Variants in TEAD3 observed in about 807,000 individuals in gnomAD.
TEAD3 encodes the protein transcriptional enhancer factor TEF-5.
A neutral mutation model predicts 55.6 loss-of-function variants in TEAD3; 15 were observed. That is an observed-to-expected ratio of 0.27 (90% CI 0.18 to 0.42). The LOEUF (loss-of-function observed/expected upper bound fraction) is 0.42, where lower values mean the gene tolerates loss of function less well. Ranked by LOEUF, TEAD3 falls within the 10% of genes least tolerant of loss-of-function variation. The probability of loss-of-function intolerance (pLI) is 1.00; values close to 1 mark genes in which losing one functional copy is unlikely to be tolerated. For synonymous variants in TEAD3, 210 were observed against 232.2 expected (o/e 0.90, Z 0.87); for missense variants, 407 against 576.8 (o/e 0.71, Z 3.01).
At chr6:35,480,132 G>C (rs1261974862) in intron 3 of TEAD3, 180 bp downstream of exon 4, 2 of 1,547,320 alleles carry the variant, frequency 1.3e-6, no homozygotes, top group Non-Finnish European at 1.7e-6. Flanking sequence ...CCTGTAGAGA[G>C]AGAAAGAAAG....
intron 6 of TEAD3, 42 bp from the exon 7 acceptor site, chr6:35,478,366 T>C: frequency 6.2e-6 from 10 of 1,613,716 alleles, no homozygotes; most frequent in Non-Finnish European, 8.5e-6. Flanking sequence ...TCAGCATCCA[T>C]GAACCCCACT....
chr6:35,478,029 T>TG (rs1380535494), intron 7 of TEAD3, among the ~76,000 whole-genome samples: 1 of 151,562 alleles, frequency 6.6e-6, no homozygotes, highest in Non-Finnish European at 1.5e-5. Context: ...TTTTTTTTTT[T>TG]TTTTTGAGAG....
In TEAD3 at chr6:35,486,781, C is replaced by G; in HGVS notation, c.-49-70G>C. 6 of 1,155,420 alleles carry G rather than the reference C, an allele frequency of 5.2e-6. 1 individual carries two copies. In the South Asian group the frequency reaches 9.0e-5, roughly 17 times the overall value. 71.6% of individuals were successfully genotyped at this position (1,155,420 alleles called of 1,614,324 possible). A position where few individuals can be genotyped will look rare whatever the true frequency, so the allele number is the denominator to read the frequency against. On this transcript the variant is annotated intron_variant, in intron 1 of 12. Coordinates refer to ENST00000639578, the Ensembl canonical transcript of TEAD3. This position sits in a 1 kb window ranked among gnomAD's most constrained non-coding sequence, Gnocchi z 7.3. ...CCACAGCAATCTCCTATCCCACAGCCGCTGGCTCTGGAGCTCCGCCCCCAG... is the reference window on the plus strand; with the variant it reads ...CCACAGCAATCTCCTATCCCACAGCGGCTGGCTCTGGAGCTCCGCCCCCAG...
chr6:35,475,243 G>C lies in TEAD3; in HGVS notation c.1195-86C>G. Reference sequence around the variant, plus strand: ...GGCTGAACAGACCATTCTCCTTTCCGGATCTATGCCTCTCAGCCAAGCGAT... The same window carrying C: ...GGCTGAACAGACCATTCTCCTTTCCCGATCTATGCCTCTCAGCCAAGCGAT... On this transcript the variant is annotated intron_variant, in intron 12 of 12. Transcript: ENST00000639578. This position sits in a 1 kb window ranked among gnomAD's most constrained non-coding sequence, Gnocchi z 5.4. 4 of 1,596,462 alleles carry C rather than the reference G, an allele frequency of 2.5e-6. No homozygotes were observed. The South Asian group carries it at 3.4e-5, about 13-fold the overall frequency.
chr6:35,493,893 A>G (rs1267533693), intron 1 of TEAD3, among the ~76,000 whole-genome samples: 2 of 152,258 alleles, frequency 1.3e-5, no homozygotes, highest in Admixed American at 1.3e-4. Flanking sequence ...CTAGGCAGCC[A>G]GCTTCCTTCA....
intron 1 of TEAD3, among the ~76,000 whole-genome samples, chr6:35,487,082 C>T (rs1055758680): frequency 7.9e-5 from 12 of 152,370 alleles, no homozygotes; most frequent in Admixed American, 7.8e-4. Context: ...CTCATACCAA[C>T]ACAGCACTTT....
chr6:35,482,016 G>A (rs1030823261), intron 3 of TEAD3, among the ~76,000 whole-genome samples: 4 of 152,010 alleles, frequency 2.6e-5, no homozygotes, highest in African/African-American at 4.8e-5. Context: ...ATGGAGTCTC[G>A]CTCTGTCACC....
intron 1 of TEAD3, among the ~76,000 whole-genome samples, chr6:35,487,795 G>A (rs1381675369): frequency 1.3e-5 from 2 of 152,104 alleles, no homozygotes; most frequent in African/African-American, 4.8e-5. Flanking sequence ...GGGAAGGTAG[G>A]GAATAAAGCC....
At chr6:35,480,321 A>C in intron 3 of TEAD3, 2 of 1,613,872 alleles carry the variant, frequency 1.2e-6, no homozygotes, top group Non-Finnish European at 1.7e-6. Flanking sequence ...CCTTGATGCC[A>C]ACCTGGTACT....
At position 35,478,257 on chromosome 6, in the gene TEAD3, A is replaced by G. The variant is rs367618468; in HGVS notation, c.530+18T>C. Reference sequence around the variant, plus strand: ...GCCAGGAGGAAGAGGGCGTGGGATGATGAGCCACAATACTCACTCCTGAGA... The same window carrying G: ...GCCAGGAGGAAGAGGGCGTGGGATGGTGAGCCACAATACTCACTCCTGAGA... On this transcript the variant is annotated intron_variant, in intron 7 of 12. Coordinates refer to ENST00000639578, the Ensembl canonical transcript of TEAD3. 3.2e-5 allele frequency: 52 copies of G among 1,612,832 alleles called. No individual in the cohort carries two copies. In the Middle Eastern group the frequency reaches 1.5e-3, roughly 46 times the overall value.
chr6:35,483,655 C>G lies in TEAD3; in HGVS notation c.267+905G>C, dbSNP rs1239966168. Among the ~76,000 whole-genome samples the G allele has an allele frequency of 6.6e-6, 1 of 152,130 alleles. No individual in the cohort carries two copies. The highest frequency in any genetic ancestry group is 2.4e-5 in the African/African-American group (1 of 41,410). On this transcript the variant is annotated intron_variant, in intron 3 of 12. Coordinates refer to ENST00000639578, the Ensembl canonical transcript of TEAD3. This position sits in a 1 kb window ranked among gnomAD's most constrained non-coding sequence, Gnocchi z 4.5. ...TCCATTGTCCCGGCTGCTTGAGGGC[C>G]TTCCTCAACAGCTGCCACCTGTCAC...
chr6:35,486,545 C>T lies in TEAD3; in HGVS notation c.118G>A (p.Glu40Lys), dbSNP rs1768385608. The change falls in exon 2 of 13, where the codon GAG becomes AAG. Residue 40 changes from glutamate (E) to lysine (K), a missense_variant. Transcript: ENST00000639578. This position sits in a 1 kb window ranked among gnomAD's most constrained non-coding sequence, Gnocchi z 7.3. ...GCCAGGGCCTCCTGGAAGCTCTGCTCGATGTCCGGGCTCCACACGCCCTCC... is the reference window on the plus strand; with the variant it reads ...GCCAGGGCCTCCTGGAAGCTCTGCTTGATGTCCGGGCTCCACACGCCCTCC... 6.2e-7 allele frequency: 1 copy of T among 1,613,690 alleles called. No individual in the cohort carries two copies. Among genetic ancestry groups the T allele is most frequent in the South Asian group, 1.1e-5 (1 of 91,088 alleles).
chr6:35,478,166 A>G (rs1184410626), intron 7 of TEAD3, 109 bp downstream of exon 7: 5 of 1,383,188 alleles, frequency 3.6e-6, no homozygotes, highest in African/African-American at 2.9e-5. Context: ...GCATCCCTCT[A>G]TTTTTGAATT....
At chr6:35,473,735 T>C (rs1768082495), downstream of TEAD3, 1 of 142,104 alleles carries the variant, frequency 7.0e-6, no homozygotes, top group Admixed American at 7.5e-5. Context: ...ATTTTAAAAA[T>C]ACACAAAAAA....
rs1429305775 is a variant in TEAD3, at chr6:35,483,002, G to A, written c.267+1558C>T. ...TCACATGTTAACTAATTCAATGGCT[G>A]AGGATGCAAGGCTGGGAGGCCAACT... On this transcript the variant is annotated intron_variant, in intron 3 of 12. Transcript: ENST00000639578. This position sits in a 1 kb window ranked among gnomAD's most constrained non-coding sequence, Gnocchi z 4.5. Among the ~76,000 whole-genome samples, 1 of 152,218 alleles carries A rather than the reference G, an allele frequency of 6.6e-6. No individual in the cohort carries two copies. The highest frequency in any genetic ancestry group is 1.5e-5 in the Non-Finnish European group (1 of 68,044).
chr6:35,494,078 C>A (rs1460082163), intron 1 of TEAD3, among the ~76,000 whole-genome samples: 1 of 152,216 alleles, frequency 6.6e-6, no homozygotes, highest in Non-Finnish European at 1.5e-5. Flanking sequence ...CCTGCATACA[C>A]CCAGCCCTGC....
Position 35,475,728 on chromosome 6 carries a change from G to A in TEAD3, c.901-22C>T. ...CGGCCTGGGCATGGGGGTGGGGGGTGTTAGGTGCTGGCAGAGACCAGAAGT... is the reference window on the plus strand; with the variant it reads ...CGGCCTGGGCATGGGGGTGGGGGGTATTAGGTGCTGGCAGAGACCAGAAGT... On this transcript the variant is annotated intron_variant, in intron 10 of 12. Transcript: ENST00000639578. This position sits in a 1 kb window ranked among gnomAD's most constrained non-coding sequence, Gnocchi z 5.4. 1.3e-6 allele frequency: 2 copies of A among 1,558,682 alleles called. No individual in the cohort carries two copies. Among genetic ancestry groups the A allele is most frequent in the East Asian group, 2.3e-5 (1 of 44,378 alleles).
chr6:35,477,339 G>T (rs1352942787), exon 8 of TEAD3: 1 of 1,605,286 alleles, frequency 6.2e-7, no homozygotes, highest in Admixed American at 1.7e-5. Flanking sequence ...GGGGCGGCTG[G>T]ATGGGGTAGG....
chr6:35,493,149 C>A (rs1432166424), intron 1 of TEAD3, among the ~76,000 whole-genome samples: 1 of 152,214 alleles, frequency 6.6e-6, no homozygotes, highest in African/African-American at 2.4e-5. Flanking sequence ...TGCTCATTCA[C>A]TGTTACCCGC....
Sources: gnomAD v4.1 joint callset for allele counts (sites outside exome capture counted in the v4.1 genomes callset) on GRCh38, gnomAD v4.1.1 for gene constraint, Gnocchi (gnomAD v3.1) non-coding constraint, MANE v1.5 for transcripts, NCBI Gene and HGNC (gene_info 2026-07-23, HGNC 2026-07-21) for gene names.